Variants in DNAH17 observed in about 807,000 individuals in gnomAD.
DNAH17 encodes dynein axonemal heavy chain 17.
Under a neutral mutation model 485.6 loss-of-function variants are expected in DNAH17, and 376 were observed. The ratio of observed to expected loss-of-function variants is 0.77; its 90% CI spans 0.71 to 0.84. DNAH17 has a LOEUF of 0.84. Among genes scored for constraint, DNAH17 ranks in the 40% least tolerant of loss-of-function variants. The pLI, the probability that DNAH17 is intolerant of heterozygous loss-of-function variation, is 0.00. For missense variants in DNAH17, 6,370 were observed against 5,839.3 expected (o/e 1.09, Z -2.96); for synonymous variants, 3,031 against 2,405.9 (o/e 1.26, Z -7.60).
intron 47 of DNAH17, 69 bp downstream of exon 47, chr17:78,485,481 G>A (rs2089560409): frequency 1.4e-6 from 2 of 1,447,210 alleles, no homozygotes; most frequent in Non-Finnish European, 1.9e-6. Flanking sequence ...TGCAGTGAGA[G>A]GGGACAGGAG....
At chr17:78,431,042 CTAA>C (rs1453508862) in intron 75 of DNAH17, among the ~76,000 whole-genome samples, 2 of 144,082 alleles carry the variant, frequency 1.4e-5, no homozygotes, top group African/African-American at 5.2e-5. Flanking sequence ...CCATGCCAGA[CTAA>C]TTTTTTTATT....
intron 64 of DNAH17, 67 bp from the exon 65 acceptor site, chr17:78,453,532 G>A (rs1052234377): frequency 1.4e-5 from 22 of 1,587,472 alleles, no homozygotes; most frequent in Admixed American, 3.4e-5. Flanking sequence ...CGCACGCTCC[G>A]ACCAGCAGCC....
At chr17:78,497,610 C>A (rs8067207) in intron 37 of DNAH17, among the ~76,000 whole-genome samples, 35,364 of 152,148 alleles carry the variant, frequency 0.23, 4,337 homozygotes, top group South Asian at 0.35. Context: ...CCCACGGTAA[C>A]AGCCAGCACT....
intron 44 of DNAH17, among the ~76,000 whole-genome samples, chr17:78,489,749 T>C (rs1451726083): frequency 7.0e-6 from 1 of 142,268 alleles, no homozygotes; most frequent in African/African-American, 2.6e-5. Flanking sequence ...ACATCTTTCC[T>C]GGAGAGCCCA....
chr17:78,566,042 C>T (rs1037764673), intron 11 of DNAH17, among the ~76,000 whole-genome samples: 16 of 152,084 alleles, frequency 1.1e-4, no homozygotes, highest in Admixed American at 6.6e-5. Flanking sequence ...CTCCCTTGCC[C>T]CTTCTGCCAT....
Position 78,450,807 on chromosome 17 carries a change from G to C in DNAH17, c.10774C>G (p.Leu3592Val). ...TKSQNEFKIV[L>V]KELEDSLLAR... ...AGGAGCGAATCTTCCAGCTCTTTCA[G>C]AACAATCTTAAATTCGTTTTGAGAC... The change falls in exon 67 of 81, where the codon CTG becomes GTG. Residue 3592 changes from leucine (L) to valine (V), a missense_variant. Physicochemically the swap from Leu to Val is conservative, Grantham distance 32 (BLOSUM62 1). Coordinates refer to ENST00000389840, the MANE Select transcript of DNAH17 (RefSeq NM_173628.4). 1 of 1,614,036 alleles carries C rather than the reference G, an allele frequency of 6.2e-7. No homozygotes were observed. Among genetic ancestry groups the C allele is most frequent in the Non-Finnish European group, 8.5e-7 (1 of 1,179,908 alleles).
At chr17:78,491,272 A>C (rs537798523) in intron 43 of DNAH17, among the ~76,000 whole-genome samples, 171 bp downstream of exon 43, 1 of 152,258 alleles carries the variant, frequency 6.6e-6, no homozygotes, top group Non-Finnish European at 1.5e-5. Flanking sequence ...CGCATGTGAC[A>C]AAGTCTCACG....
chr17:78,494,448 G>A (rs907706381), intron 40 of DNAH17, 145 bp downstream of exon 40: 90 of 1,016,676 alleles, frequency 8.9e-5, no homozygotes, highest in African/African-American at 1.3e-4. Context: ...CCAGGGCCAC[G>A]GAGGCAGCTG....
rs374938936 is a variant in DNAH17, at chr17:78,468,815, G to T, written c.8580C>A (p.Asp2860Glu). Residue 2860 changes from aspartate (D) to glutamate (E), a missense_variant, in exon 55 of 81, where the codon GAC becomes GAA. Physicochemically the swap from Asp to Glu is conservative, Grantham distance 45 (BLOSUM62 2). Transcript: ENST00000389840. ...GAAACTGCTCCTCGGCCACCTGGGA[G>T]TCTGTCATCAGGAACACCGAGGGAA... ...KNVPSVFLMT[D>E]SQVAEEQFLV... is the part of the protein sequence containing the mutation. The T allele has an allele frequency of 3.7e-5, 60 of 1,613,932 alleles. No homozygotes were observed. The highest frequency in any genetic ancestry group is 4.8e-5 in the Non-Finnish European group (57 of 1,179,908).
chr17:78,555,543 CAAAAAAAA>C (rs765954549), intron 14 of DNAH17, among the ~76,000 whole-genome samples: 9 of 77,692 alleles, frequency 1.2e-4, no homozygotes, highest in South Asian at 5.5e-4. Context: ...GATTCCGTCA[CAAAAAAAA>C]AAAAAAAAAA....
At chr17:78,485,916 G>A (rs1329901105) in intron 46 of DNAH17, 44 bp downstream of exon 46, 17 of 1,599,944 alleles carry the variant, frequency 1.1e-5, no homozygotes, top group Admixed American at 5.1e-5. Flanking sequence ...ACCGATTCCT[G>A]CCTCTAAATC....
rs1169641137 is a variant in DNAH17, at chr17:78,444,639, G to A, written c.11493C>T (p.Arg3831=). The change falls in exon 71 of 81, where the codon CGC becomes CGT. Residue 3831 remains arginine (R), a synonymous_variant. Transcript: ENST00000389840. ...AGGTCATGCGATCTGGCCGCAGGCA[G>A]CGCACCATGCACAGCTTCTGCAGGG... ...KTALQKLCMV[R]CLRPDRMTYA... is the part of the protein sequence containing the mutation. 1 of 1,596,798 alleles carries A rather than the reference G, an allele frequency of 6.3e-7. No individual in the cohort carries two copies. Among genetic ancestry groups the A allele is most frequent in the Non-Finnish European group, 8.5e-7 (1 of 1,172,428 alleles).
chr17:78,450,128 A>G, intron 68 of DNAH17, 126 bp downstream of exon 68: 2 of 1,149,756 alleles, frequency 1.7e-6, no homozygotes, highest in Admixed American at 2.3e-5. Flanking sequence ...TGCAGGCTGG[A>G]CCAGGTCTGC....
intron 22 of DNAH17, among the ~76,000 whole-genome samples, chr17:78,529,215 C>A (rs957816748): frequency 6.6e-6 from 1 of 152,140 alleles, no homozygotes; most frequent in Admixed American, 6.5e-5. Flanking sequence ...GCTGGGATTA[C>A]AATGAAGACA....
rs979058330 is a variant in DNAH17 at position 78,426,242 on chromosome 17, G to T, written c.12915+215C>A. Among the ~76,000 whole-genome samples, 5 of 152,296 alleles carry T rather than the reference G, an allele frequency of 3.3e-5. 1 individual carries two copies. Among genetic ancestry groups the T allele is most frequent in the African/African-American group, 2.4e-5 (1 of 41,558 alleles). The stretch of plus-strand genomic sequence containing the variant: ...GAGGAGCTGATGGAAGCTGCTCTGC[G>T]GCCTGGCTTGTTTTCCTCCTTTGGG... On this transcript the variant is annotated intron_variant, in intron 79 of 80. Coordinates refer to ENST00000389840, the MANE Select transcript of DNAH17 (RefSeq NM_173628.4).
chr17:78,486,592 C>T, intron 44 of DNAH17, 86 bp from the exon 45 acceptor site: 2 of 1,457,104 alleles, frequency 1.4e-6, no homozygotes, highest in Non-Finnish European at 1.8e-6. Flanking sequence ...CTCCCTACCT[C>T]CACCCAATTC....
At chr17:78,517,845 G>A (rs1284972744) in intron 25 of DNAH17, among the ~76,000 whole-genome samples, 1 of 152,146 alleles carries the variant, frequency 6.6e-6, no homozygotes, top group East Asian at 1.9e-4. Context: ...ACAAGACCAT[G>A]GAAGATTACT....
intron 43 of DNAH17, 127 bp downstream of exon 43, chr17:78,491,316 G>T: frequency 1.5e-6 from 2 of 1,363,262 alleles, no homozygotes; most frequent in East Asian, 5.0e-5. Flanking sequence ...TTCCTGTGGA[G>T]ATCCAGACAC....
Position 78,510,417 on chromosome 17 carries a change from C to G in DNAH17, c.4203G>C (p.Val1401=). The G allele has an allele frequency of 6.2e-7, 1 of 1,613,556 alleles. No individual in the cohort carries two copies. Among genetic ancestry groups the G allele is most frequent in the Non-Finnish European group, 8.5e-7 (1 of 1,179,734 alleles). ...TGCCCGACTCCTTCACGGCCTTGTC[C>G]ACGATGTTGCGGACCTCATCCTCGT... ...HSYEDEVRNI[V]DKAVKESGME... The change falls in exon 27 of 81, where the codon GTG becomes GTC. Residue 1401 remains valine (V), a synonymous_variant. Transcript: ENST00000389840.
Sources: allele counts gnomAD v4.1 joint callset (sites outside exome capture counted in the v4.1 genomes callset), GRCh38; gene constraint gnomAD v4.1.1; transcripts MANE v1.5; gene names NCBI Gene and HGNC (gene_info 2026-07-23, HGNC 2026-07-21).